The following CDA variants were observed in gnomAD, a reference collection of about 807,000 sequenced individuals.
CDA encodes the protein cytidine aminohydrolase.
In CDA, 7 loss-of-function variants were observed where a neutral mutation model predicts 15.0. The ratio of observed to expected loss-of-function variants is 0.47; its 90% CI spans 0.26 to 0.87. The LOEUF (loss-of-function observed/expected upper bound fraction) is 0.87. CDA is among the 40% of genes least tolerant of loss of function. The pLI is 0.15. For missense variants in CDA, 159 were observed against 182.7 expected (o/e 0.87, Z 0.75); for synonymous variants, 58 against 73.0 (o/e 0.79, Z 1.05).
At position 20,596,863 on chromosome 1, in the gene CDA, C is replaced by T. The variant is rs551901165; in HGVS notation, c.154+7580C>T. On this transcript the variant is annotated intron_variant, in intron 1 of 3. Coordinates refer to ENST00000375071, the MANE Select transcript of CDA (RefSeq NM_001785.3). ...GCAGCCTCGACCTTCCTGGCTCAGG[C>T]GATCCTCCCACCTTAGCCTCCCAAG... Among the ~76,000 whole-genome samples, 17 of 150,228 alleles carry T rather than the reference C, an allele frequency of 1.1e-4. No individual in the cohort carries two copies. In the East Asian group the frequency reaches 1.4e-3, roughly 12 times the overall value.
intron 1 of CDA, among the ~76,000 whole-genome samples, chr1:20,596,507 G>T (rs971426174): frequency 6.6e-6 from 1 of 152,092 alleles, no homozygotes; most frequent in Non-Finnish European, 1.5e-5. Flanking sequence ...CTTGAGTCCA[G>T]GAGTTCAAAT....
At chr1:20,610,231 A>G (rs1420461643) in intron 2 of CDA, among the ~76,000 whole-genome samples, 1 of 150,714 alleles carries the variant, frequency 6.6e-6, no homozygotes, top group Admixed American at 6.6e-5. Context: ...TGCTTTGCAG[A>G]ATGCCTGGCA....
At chr1:20,613,935 T>A (rs753936262) in intron 3 of CDA, 36 bp downstream of exon 3, 1 of 1,601,292 alleles carries the variant, frequency 6.2e-7, no homozygotes, top group Admixed American at 1.7e-5. Context: ...AATGCAAATA[T>A]CTTCCCTGTC....
intron 1 of CDA, among the ~76,000 whole-genome samples, chr1:20,595,675 A>C (rs772102586): frequency 1.3e-5 from 2 of 152,068 alleles, no homozygotes; most frequent in African/African-American, 2.4e-5. Flanking sequence ...CCCCATCTCT[A>C]CAAAAAATAC....
At chr1:20,612,658 C>G (rs945133965) in intron 2 of CDA, among the ~76,000 whole-genome samples, 1 of 152,142 alleles carries the variant, frequency 6.6e-6, no homozygotes, top group Admixed American at 6.5e-5. Context: ...AGCTTTATTA[C>G]TCACACAAAG....
intron 1 of CDA, among the ~76,000 whole-genome samples, chr1:20,597,701 G>C (rs2052602750): frequency 6.6e-6 from 1 of 152,110 alleles, no homozygotes; most frequent in South Asian, 2.1e-4. Context: ...TATTATTATG[G>C]ATTTCTAACT....
chr1:20,596,093 G>A (rs150422134), intron 1 of CDA, among the ~76,000 whole-genome samples: 60 of 152,182 alleles, frequency 3.9e-4, no homozygotes, highest in African/African-American at 1.4e-3. Flanking sequence ...AGGTTGCAGT[G>A]AGCTGAGATC....
chr1:20,608,098 G>A (rs1185797073), intron 2 of CDA, among the ~76,000 whole-genome samples: 2 of 152,210 alleles, frequency 1.3e-5, no homozygotes, highest in African/African-American at 4.8e-5. Context: ...GTGAAGGGCA[G>A]GGTAGAGGGA....
At chr1:20,613,720 A>G in intron 2 of CDA, 122 bp from the exon 3 acceptor site, 1 of 873,268 alleles carries the variant, frequency 1.1e-6, no homozygotes, top group Non-Finnish European at 1.9e-6. Context: ...TCTGTGAATC[A>G]GGAACTGCCT....
chr1:20,607,286 G>C (rs1236250869), intron 2 of CDA, among the ~76,000 whole-genome samples: 1 of 152,186 alleles, frequency 6.6e-6, no homozygotes, highest in African/African-American at 2.4e-5. Flanking sequence ...AGCTTAATTT[G>C]TTTCTGAGTA....
intron 1 of CDA, among the ~76,000 whole-genome samples, chr1:20,594,998 A>T (rs935009035): frequency 6.6e-6 from 1 of 151,996 alleles, no homozygotes; most frequent in Admixed American, 6.6e-5. Context: ...GGGAGTATGC[A>T]TCTGGCGATG....
chr1:20,591,978 G>A (rs2052553320), intron 1 of CDA, among the ~76,000 whole-genome samples: 1 of 151,992 alleles, frequency 6.6e-6, no homozygotes. Flanking sequence ...GAGTAGCTGG[G>A]ATTACAGGCA....
intron 1 of CDA, among the ~76,000 whole-genome samples, chr1:20,598,146 G>T (rs913577176): frequency 6.6e-6 from 1 of 152,182 alleles, no homozygotes; most frequent in Non-Finnish European, 1.5e-5. Flanking sequence ...TAGAGACAGG[G>T]TCTCGCTATG....
intron 2 of CDA, among the ~76,000 whole-genome samples, chr1:20,613,579 C>G (rs534554469): frequency 7.2e-5 from 11 of 152,164 alleles, no homozygotes; most frequent in Admixed American, 6.5e-5. Flanking sequence ...TTTGTATTCC[C>G]GGGTGTGGGT....
chr1:20,604,285 A>G (rs1294178739), intron 1 of CDA, among the ~76,000 whole-genome samples: 1 of 152,198 alleles, frequency 6.6e-6, no homozygotes, highest in Non-Finnish European at 1.5e-5. Context: ...TGGAGACTGG[A>G]AAGTCCAGGG....
intron 1 of CDA, among the ~76,000 whole-genome samples, chr1:20,603,462 C>T (rs111538551): frequency 0.022 from 3,273 of 152,216 alleles, 114 homozygotes; most frequent in African/African-American, 0.074. Context: ...ACCTTCCAGT[C>T]TGTGGAAGGA....
At position 20,605,045 on chromosome 1, in the gene CDA, T is replaced by A; in HGVS notation, c.266+6T>A. ...AGGGCAATTGCTATCGCCAGGTGAG[T>A]GGGAAAGCCAGGTTGCAACAATATT... On this transcript the variant is annotated splice_donor_region_variant and intron_variant, in intron 2 of 3. Coordinates refer to ENST00000375071, the MANE Select transcript of CDA (RefSeq NM_001785.3). 1 of 1,558,920 alleles carries A rather than the reference T, an allele frequency of 6.4e-7. No homozygotes were observed. The highest frequency in any genetic ancestry group is 8.8e-7 in the Non-Finnish European group (1 of 1,130,292).
At chr1:20,593,279 C>T (rs950700496) in intron 1 of CDA, among the ~76,000 whole-genome samples, 1 of 152,104 alleles carries the variant, frequency 6.6e-6, no homozygotes, top group Non-Finnish European at 1.5e-5. Context: ...ATGGAGTGAG[C>T]TCACTAAGGA....
intron 1 of CDA, among the ~76,000 whole-genome samples, chr1:20,600,999 G>T (rs1159211700): frequency 3.9e-5 from 6 of 152,132 alleles, no homozygotes; most frequent in Non-Finnish European, 8.8e-5. Flanking sequence ...TATTCCAACT[G>T]TATTAACTGA....
Sources: allele counts gnomAD v4.1 joint callset (sites outside exome capture counted in the v4.1 genomes callset), GRCh38; gene constraint gnomAD v4.1.1; transcripts MANE v1.5; gene names NCBI Gene and HGNC (gene_info 2026-07-23, HGNC 2026-07-21).